The following TEX11 variants were observed in gnomAD, a reference collection of about 807,000 sequenced individuals.
TEX11 encodes testis-expressed protein 11.
TEX11 carries 7 observed loss-of-function variants against 84.4 expected under a neutral mutation model. That is an observed-to-expected ratio of 0.08 (90% CI 0.05 to 0.16). TEX11 has a LOEUF of 0.16. TEX11 is among the 10% of genes least tolerant of loss of function. The probability of loss-of-function intolerance (pLI) is 1.00; values close to 1 mark genes in which losing one functional copy is unlikely to be tolerated. For synonymous variants in TEX11, 264 were observed against 222.8 expected (o/e 1.18, Z -1.64); for missense variants, 551 against 660.5 (o/e 0.83, Z 1.82).
At chrX:70,739,699 C>T (rs1173951202) in intron 11 of TEX11, among the ~76,000 whole-genome samples, 2 of 111,773 alleles carry the variant, frequency 1.8e-5, no homozygotes, top group Non-Finnish European at 3.8e-5. Context: ...CATGAGCCAC[C>T]GCACCCAGCC....
At position 70,878,543 on chromosome X, in the gene TEX11, G is replaced by A. The variant is rs183279319; in HGVS notation, c.159+1445C>T. Among the ~76,000 whole-genome samples the A allele has an allele frequency of 1.4e-3, 152 of 109,249 alleles. 1 individual carries two copies. The highest frequency in any genetic ancestry group is 4.9e-3 in the African/African-American group (147 of 29,999). 94.9% of individuals were successfully genotyped at this position (109,249 alleles called of 115,157 possible). A position where few individuals can be genotyped will look rare whatever the true frequency, so the allele number is the denominator to read the frequency against. The stretch of plus-strand genomic sequence containing the variant: ...CACTTTGGAAAACAATCTGGCAGCA[G>A]CAAACCAACATGGCACATGTATACA... On this transcript the variant is annotated intron_variant, in intron 3 of 29. Transcript: ENST00000374333.
At chrX:70,739,488 T>C (rs1426328853) in intron 11 of TEX11, among the ~76,000 whole-genome samples, 1 of 106,853 alleles carries the variant, frequency 9.4e-6, no homozygotes, top group African/African-American at 3.4e-5. Flanking sequence ...CTCGGCTCAC[T>C]GCAACCTCTG....
chrX:70,543,008 C>T (rs1387248121), intron 28 of TEX11, among the ~76,000 whole-genome samples: 1 of 109,960 alleles, frequency 9.1e-6, no homozygotes, highest in Non-Finnish European at 1.9e-5. Context: ...GGTGAAACCC[C>T]GTCTCTACTA....
chrX:70,753,409 C>T lies in TEX11; in HGVS notation c.693-9190G>A, dbSNP rs2090844241. On this transcript the variant is annotated intron_variant, in intron 9 of 29. Transcript: ENST00000374333. The stretch of plus-strand genomic sequence containing the variant: ...TGCATCTTGGATACCAGCTCAGCTA[C>T]AGTAGGATAGGGCCTGGGTCAGGGT... 3.6e-5 allele frequency among the ~76,000 whole-genome samples: 4 copies of T among 111,347 alleles called. No individual in the cohort carries two copies. The South Asian group carries it at 1.5e-3, about 43-fold the overall frequency.
the TEX11 span, among the ~76,000 whole-genome samples, chrX:70,522,459 C>T: frequency 8.9e-6 from 1 of 112,114 alleles, no homozygotes; most frequent in Non-Finnish European, 1.9e-5. Flanking sequence ...AAACTAAATT[C>T]TGACCATATA....
At chrX:70,829,981 T>C (rs902495331) in intron 8 of TEX11, among the ~76,000 whole-genome samples, 1 of 108,506 alleles carries the variant, frequency 9.2e-6, no homozygotes, top group Non-Finnish European at 1.9e-5. Flanking sequence ...AGAAAACAAA[T>C]AACAAAGTGG....
intron 11 of TEX11, among the ~76,000 whole-genome samples, chrX:70,737,980 C>T (rs2090708502): frequency 9.0e-6 from 1 of 111,257 alleles, no homozygotes; most frequent in African/African-American, 3.3e-5. Flanking sequence ...AAATGTAAAA[C>T]CAAAACAATA....
chrX:70,514,494 C>T, the TEX11 span, among the ~76,000 whole-genome samples: 2 of 108,275 alleles, frequency 1.8e-5, no homozygotes, highest in Non-Finnish European at 3.8e-5. Context: ...ACTTGGGAGG[C>T]TGAGGCAGGA....
chrX:70,514,783 T>C, the TEX11 span, among the ~76,000 whole-genome samples: 1 of 107,544 alleles, frequency 9.3e-6, no homozygotes, highest in Non-Finnish European at 1.9e-5. Context: ...AAGCAGGACA[T>C]TTGGCCAGGC....
chrX:70,686,868 G>A (rs1437143988), intron 13 of TEX11, among the ~76,000 whole-genome samples: 1 of 110,442 alleles, frequency 9.1e-6, no homozygotes, highest in Non-Finnish European at 1.9e-5. Context: ...ATTTTATCTG[G>A]CAACTCTATT....
intron 16 of TEX11, among the ~76,000 whole-genome samples, chrX:70,652,436 T>C (rs945907053): frequency 3.6e-5 from 4 of 111,927 alleles, no homozygotes; most frequent in African/African-American, 1.3e-4. Flanking sequence ...AAGATGCAGA[T>C]ACTAGAATTA....
At chrX:70,780,006 C>A (rs1260384709) in intron 9 of TEX11, among the ~76,000 whole-genome samples, 1 of 111,820 alleles carries the variant, frequency 8.9e-6, no homozygotes, top group African/African-American at 3.2e-5. Flanking sequence ...GTGGCTCATG[C>A]CTGTAATCCC....
intron 9 of TEX11, among the ~76,000 whole-genome samples, chrX:70,764,552 A>G (rs758916708): frequency 8.9e-6 from 1 of 111,929 alleles, no homozygotes; most frequent in East Asian, 2.8e-4. Flanking sequence ...CGGTTTTTTG[A>G]AAAGTTAAAC....
intron 20 of TEX11, among the ~76,000 whole-genome samples, chrX:70,619,700 A>G (rs979586627): frequency 1.3e-4 from 15 of 112,376 alleles, no homozygotes; most frequent in Non-Finnish European, 1.9e-4. Flanking sequence ...CTGACCAAAC[A>G]GAAGCCTGGA....
Position 70,529,073 on chromosome X carries a change from C to A in TEX11, c.*22G>T. On this transcript the variant is annotated 3_prime_UTR_variant, in exon 30 of 30. Transcript: ENST00000374333. ...TCAGCATCTCGGGACAATGTATCTT[C>A]TTCATGTGGCCATGAGCTTGCCTAA... 8.6e-7 allele frequency: 1 copy of A among 1,163,348 alleles called. No homozygotes were observed. Among genetic ancestry groups the A allele is most frequent in the Non-Finnish European group, 1.2e-6 (1 of 853,594 alleles).
chrX:70,784,163 G>C (rs1456747671), intron 9 of TEX11, among the ~76,000 whole-genome samples: 1 of 111,907 alleles, frequency 8.9e-6, no homozygotes, highest in Non-Finnish European at 1.9e-5. Flanking sequence ...GGGATGCAAG[G>C]CTGGTTGAAC....
chrX:70,645,136 AAATG>A (rs2089725216), intron 17 of TEX11, among the ~76,000 whole-genome samples: 1 of 110,595 alleles, frequency 9.0e-6, no homozygotes. Context: ...TAAGGAGATT[AAATG>A]AATAACAAAA....
intron 23 of TEX11, 97 bp from the exon 24 acceptor site, chrX:70,605,614 A>T (rs2089187459): frequency 1.8e-6 from 1 of 542,909 alleles, no homozygotes; most frequent in Admixed American, 3.0e-5. Context: ...TGTTTGAATG[A>T]GAAAATTCAG....
At chrX:70,726,755 T>C (rs1394208298) in intron 11 of TEX11, among the ~76,000 whole-genome samples, 2 of 110,220 alleles carry the variant, frequency 1.8e-5, no homozygotes, top group African/African-American at 6.6e-5. Context: ...GTTCTCGAAC[T>C]CCTGACCTCA....
Sources: allele counts gnomAD v4.1 joint callset (sites outside exome capture counted in the v4.1 genomes callset), GRCh38; gene constraint gnomAD v4.1.1; transcripts MANE v1.5; gene names NCBI Gene and HGNC (gene_info 2026-07-23, HGNC 2026-07-21).